Variants in KCNH8 observed in about 807,000 individuals in gnomAD.
The protein encoded by KCNH8 is voltage-gated delayed rectifier potassium channel KCNH8.
Under a neutral mutation model 103.6 loss-of-function variants are expected in KCNH8, and 70 were observed. That is an observed-to-expected ratio of 0.68 (90% CI 0.56 to 0.82). The LOEUF is 0.82. Ranked by LOEUF, KCNH8 falls within the 40% of genes least tolerant of loss-of-function variation. KCNH8 has a pLI of 0.00. For missense variants in KCNH8, 1,217 were observed against 1,329.9 expected (o/e 0.92, Z 1.32); for synonymous variants, 498 against 489.4 (o/e 1.02, Z -0.23).
intron 3 of KCNH8, among the ~76,000 whole-genome samples, chr3:19,282,935 C>T (rs2125275305): frequency 6.6e-6 from 1 of 152,220 alleles, no homozygotes; most frequent in South Asian, 2.1e-4. Context: ...TCCAAGTGGG[C>T]TTCCTTCTAG....
intron 1 of KCNH8, among the ~76,000 whole-genome samples, chr3:19,166,676 G>A (rs2063288887): frequency 6.6e-6 from 1 of 152,186 alleles, no homozygotes; most frequent in South Asian, 2.1e-4. Flanking sequence ...TCCAAAAATG[G>A]ACAGTAGGCT....
chr3:19,212,587 C>T (rs994220811), intron 1 of KCNH8, among the ~76,000 whole-genome samples: 1 of 152,044 alleles, frequency 6.6e-6, no homozygotes, highest in East Asian at 1.9e-4. Flanking sequence ...GTACTTGTCT[C>T]GTGGTTGGGG....
chr3:19,290,078 A>T (rs2064896340), intron 3 of KCNH8, among the ~76,000 whole-genome samples: 1 of 152,052 alleles, frequency 6.6e-6, no homozygotes, highest in South Asian at 2.1e-4. Context: ...AATGCTTGTG[A>T]TTTTTGTACA....
At chr3:19,202,529 G>C (rs2063673401) in intron 1 of KCNH8, among the ~76,000 whole-genome samples, 1 of 152,080 alleles carries the variant, frequency 6.6e-6, no homozygotes, top group African/African-American at 2.4e-5. Context: ...CTCAGGGGCT[G>C]AGAACAGCTA....
intron 15 of KCNH8, among the ~76,000 whole-genome samples, chr3:19,523,802 T>C (rs2069014427): frequency 6.6e-6 from 1 of 151,870 alleles, no homozygotes; most frequent in Non-Finnish European, 1.5e-5. Context: ...ATTAGGAAAA[T>C]TTTGTTTCTC....
chr3:19,295,701 C>T (rs2064989175), intron 3 of KCNH8, among the ~76,000 whole-genome samples: 1 of 152,110 alleles, frequency 6.6e-6, no homozygotes, highest in African/African-American at 2.4e-5. Flanking sequence ...GCAGAAAATA[C>T]TGTGGGTTTG....
intron 1 of KCNH8, among the ~76,000 whole-genome samples, chr3:19,151,744 C>A (rs2063132467): frequency 6.6e-6 from 1 of 151,646 alleles, no homozygotes; most frequent in South Asian, 2.1e-4. Flanking sequence ...TATAATATTT[C>A]TTTTTAATAT....
At chr3:19,336,680 G>A (rs1194200364) in intron 3 of KCNH8, among the ~76,000 whole-genome samples, 1 of 151,878 alleles carries the variant, frequency 6.6e-6, no homozygotes, top group African/African-American at 2.4e-5. Flanking sequence ...CAGATTTCCT[G>A]TGTTTTTAAC....
chr3:19,354,535 A>G (rs2065851179), intron 5 of KCNH8, among the ~76,000 whole-genome samples: 1 of 152,192 alleles, frequency 6.6e-6, no homozygotes, highest in Admixed American at 6.5e-5. Flanking sequence ...AAACAGAGAT[A>G]TAGACCAATG....
intron 1 of KCNH8, among the ~76,000 whole-genome samples, chr3:19,209,760 C>T (rs1390044424): frequency 6.6e-6 from 1 of 152,006 alleles, no homozygotes; most frequent in African/African-American, 2.4e-5. Flanking sequence ...GGAGGCACTG[C>T]CTGTTCACTC....
chr3:19,283,682 CA>C (rs1304525895), intron 3 of KCNH8, among the ~76,000 whole-genome samples: 1 of 151,386 alleles, frequency 6.6e-6, no homozygotes, highest in African/African-American at 2.4e-5. Flanking sequence ...TCTAGGAGGC[CA>C]AGGCAGGAGA....
intron 3 of KCNH8, among the ~76,000 whole-genome samples, chr3:19,293,166 A>G (rs527816274): frequency 6.6e-6 from 1 of 152,260 alleles, no homozygotes; most frequent in African/African-American, 2.4e-5. Flanking sequence ...TGTAAAGTGA[A>G]CTGCCCAATG....
Position 19,474,149 on chromosome 3 carries a change from T to C in KCNH8, c.2040+17167T>C, listed in dbSNP as rs187282483. Among the ~76,000 whole-genome samples the C allele has an allele frequency of 5.7e-3, 866 of 152,272 alleles. 8 individuals are homozygous for C. The highest frequency in any genetic ancestry group is 7.1e-3 in the Non-Finnish European group (481 of 68,016). On this transcript the variant is annotated intron_variant, in intron 11 of 15. Coordinates refer to ENST00000328405, the MANE Select transcript of KCNH8 (RefSeq NM_144633.3). Reference sequence around the variant, plus strand: ...AAACTCAACTGTTAGATTTAGTGCATGGTATGATTAAAACTGTCTACATGA... The same window carrying C: ...AAACTCAACTGTTAGATTTAGTGCACGGTATGATTAAAACTGTCTACATGA...
intron 1 of KCNH8, among the ~76,000 whole-genome samples, chr3:19,238,179 G>A (rs1031376712): frequency 6.6e-6 from 1 of 152,134 alleles, no homozygotes; most frequent in African/African-American, 2.4e-5. Context: ...TGGTAACAGC[G>A]AGATCACCGT....
intron 10 of KCNH8, 102 bp downstream of exon 10, chr3:19,451,506 G>C: frequency 9.7e-7 from 1 of 1,026,088 alleles, no homozygotes; most frequent in Non-Finnish European, 1.5e-6. Flanking sequence ...GAAAAGAACA[G>C]ATGAAGACAT....
At chr3:19,278,380 T>C (rs1197468497) in intron 2 of KCNH8, among the ~76,000 whole-genome samples, 1 of 147,924 alleles carries the variant, frequency 6.8e-6, no homozygotes, top group African/African-American at 2.5e-5. Context: ...GGAGGGACAG[T>C]TGAAAGGAAA....
At chr3:19,360,264 A>G (rs2065931401) in intron 5 of KCNH8, among the ~76,000 whole-genome samples, 1 of 152,060 alleles carries the variant, frequency 6.6e-6, no homozygotes. Flanking sequence ...GAGCAAAATA[A>G]TGGAAACAAA....
chr3:19,331,249 T>TTTTATTTA (rs71055062), intron 3 of KCNH8, among the ~76,000 whole-genome samples: 22,313 of 144,440 alleles, frequency 0.15, 1,869 homozygotes, highest in Middle Eastern at 0.24. Flanking sequence ...CTTTAATTAT[T>TTTTATTTA]TTTATTTATT....
intron 1 of KCNH8, among the ~76,000 whole-genome samples, chr3:19,200,869 A>C (rs1363310538): frequency 6.6e-6 from 1 of 152,118 alleles, no homozygotes; most frequent in African/African-American, 2.4e-5. Flanking sequence ...CAGGATAAGC[A>C]TACTAAATCA....
Sources: gnomAD v4.1 joint callset for allele counts (sites outside exome capture counted in the v4.1 genomes callset) on GRCh38, gnomAD v4.1.1 for gene constraint, MANE v1.5 for transcripts, NCBI Gene and HGNC (gene_info 2026-07-23, HGNC 2026-07-21) for gene names.